CEP295: variants seen among roughly 807,000 people sequenced by gnomAD.
CEP295 encodes the protein centrosomal protein of 295 kDa.
A neutral mutation model predicts 291.6 loss-of-function variants in CEP295; 190 were observed. The ratio of observed to expected loss-of-function variants is 0.65; its 90% CI spans 0.58 to 0.73. The LOEUF (loss-of-function observed/expected upper bound fraction) is 0.73, where lower values mean the gene tolerates loss of function less well. CEP295 is among the 30% of genes least tolerant of loss of function. The pLI, the probability that CEP295 is intolerant of heterozygous loss-of-function variation, is 0.00. For missense variants in CEP295, 2,863 were observed against 2,949.4 expected (o/e 0.97, Z 0.68); for synonymous variants, 993 against 1,038.8 (o/e 0.96, Z 0.85).
chr11:93,700,011 CT>C lies in CEP295; in HGVS notation c.5100del (p.Val1701SerfsTer2). On this transcript the variant is annotated frameshift_variant, in exon 15 of 30. Transcript: ENST00000325212. LOFTEE classifies it high-confidence loss of function. ...GATAGACTTTTGAGTTTTTCACAGT[CT>C]GTCTTAACTCAGCAAGATAACTTGG... ...FQDRLLSFSQ[S>X]VLTQQDNLGL... 1 of 1,551,774 alleles carries C rather than the reference CT, an allele frequency of 6.4e-7. No individual in the cohort carries two copies. The highest frequency in any genetic ancestry group is 1.2e-5 in the South Asian group (1 of 84,058).
intron 1 of CEP295, among the ~76,000 whole-genome samples, chr11:93,665,695 G>A (rs1022725549): frequency 2.6e-5 from 4 of 152,174 alleles, no homozygotes; most frequent in African/African-American, 4.8e-5. Flanking sequence ...GCGACAGAAC[G>A]AGACTCCATC....
intron 25 of CEP295, 28 bp from the exon 26 acceptor site, chr11:93,729,406 G>A: frequency 6.8e-7 from 1 of 1,475,126 alleles, no homozygotes; most frequent in Non-Finnish European, 9.3e-7. Context: ...TTTAAAAAGA[G>A]TAAAACATGC....
intron 25 of CEP295, 190 bp from the exon 26 acceptor site, chr11:93,729,243 TG>T: frequency 1.7e-6 from 1 of 604,380 alleles, no homozygotes; most frequent in Non-Finnish European, 2.9e-6. Flanking sequence ...AAGACCAGCC[TG>T]GGCAACAAGG....
intron 18 of CEP295, among the ~76,000 whole-genome samples, chr11:93,720,084 G>A (rs769577258): frequency 6.0e-4 from 89 of 147,672 alleles, no homozygotes; most frequent in Non-Finnish European, 6.1e-4. Context: ...AAAGCTGGGC[G>A]TAGTGGCTCA....
chr11:93,722,079 G>T, intron 20 of CEP295, 29 bp downstream of exon 20: 1 of 1,348,804 alleles, frequency 7.4e-7, no homozygotes. Context: ...TTATAAATAA[G>T]TTGAAAGACC....
intron 17 of CEP295, among the ~76,000 whole-genome samples, chr11:93,704,438 C>CA (rs1952391561): frequency 6.6e-6 from 1 of 151,992 alleles, no homozygotes; most frequent in African/African-American, 2.4e-5. Flanking sequence ...GGGAAACCCC[C>CA]TCTGGTGGCG....
In CEP295 at chr11:93,724,352, C is replaced by T; in HGVS notation, c.6295C>T (p.Pro2099Ser). 6.5e-7 allele frequency: 1 copy of T among 1,550,320 alleles called. No individual in the cohort carries two copies. Among genetic ancestry groups the T allele is most frequent in the Non-Finnish European group, 8.7e-7 (1 of 1,145,742 alleles). Residue 2099 changes from proline (P) to serine (S), a missense_variant, in exon 22 of 30, where the codon CCA becomes TCA. By Grantham distance (74) the Pro-to-Ser change is moderately conservative. Coordinates refer to ENST00000325212, the MANE Select transcript of CEP295 (RefSeq NM_033395.2). ...DLSSSSSGIS[P>S]DNRDFYQRSD... ...ATCATCATCATCCTCTGGGATTTCT[C>T]CAGACAACAGAGACTTTTACCAGGT...
rs760684237 is a variant in CEP295 at position 93,729,715 on chromosome 11, A to G, written c.7501A>G (p.Ile2501Val). ...MERSHQRQKE[I>V]RNKIHVSENS... ...GAGATCCCACCAGAGGCAGAAAGAA[A>G]TAAGGAATAAAATTCATGTCTCTGA... is the stretch of plus-strand genomic sequence containing the variant. Residue 2501 changes from isoleucine to valine, a missense_variant, in exon 27 of 30, where the codon ATA (isoleucine) becomes GTA (valine). Ile to Val is a conservative substitution (Grantham distance 29). Around this residue, in one of 3 missense-constraint regions of CEP295, gnomAD observed 2,295 missense variants for 2,335.7 expected, o/e 0.98. Transcript: ENST00000325212. 110 of 1,550,226 alleles carry G rather than the reference A, an allele frequency of 7.1e-5. No homozygotes were observed. The highest frequency in any genetic ancestry group is 9.4e-5 in the Non-Finnish European group (108 of 1,145,820).
At chr11:93,728,888 T>C (rs1327141985) in intron 25 of CEP295, 67 bp downstream of exon 25, 7 of 1,378,894 alleles carry the variant, frequency 5.1e-6, no homozygotes, top group East Asian at 5.1e-5. Context: ...CTCTTACAAC[T>C]TATCAGAAGG....
chr11:93,691,523 T>C (rs1951553351), intron 10 of CEP295, among the ~76,000 whole-genome samples, 160 bp from the exon 11 acceptor site: 1 of 152,234 alleles, frequency 6.6e-6, no homozygotes, highest in Admixed American at 6.5e-5. Flanking sequence ...TTGGGTTTAA[T>C]GAGAAATATA....
rs774995220 is a variant in CEP295 at position 93,729,419 on chromosome 11, C to T, written c.7303-15C>T. Reference sequence around the variant, plus strand: ...CGTTTAAAAAGAGTAAAACATGCAACTTTCTTGCCATTAGGTGAGTGAGTT... The same window carrying T: ...CGTTTAAAAAGAGTAAAACATGCAATTTTCTTGCCATTAGGTGAGTGAGTT... On this transcript the variant is annotated splice_polypyrimidine_tract_variant and intron_variant, in intron 25 of 29. Transcript: ENST00000325212. The T allele has an allele frequency of 5.9e-6, 9 of 1,523,932 alleles. 1 individual carries two copies. The South Asian group carries it at 1.1e-4, about 18-fold the overall frequency. 94.4% of individuals were successfully genotyped at this position (1,523,932 alleles called of 1,614,324 possible). A position where few individuals can be genotyped will look rare whatever the true frequency, so the allele number is the denominator to read the frequency against.
chr11:93,677,803 A>G (rs1186076879), intron 6 of CEP295, among the ~76,000 whole-genome samples: 1 of 152,208 alleles, frequency 6.6e-6, no homozygotes, highest in Non-Finnish European at 1.5e-5. Flanking sequence ...TATCTGATGT[A>G]CAAGATTCAG....
In CEP295 at chr11:93,721,999, A is replaced by C; in HGVS notation, c.5896A>C (p.Thr1966Pro). 1 of 1,581,460 alleles carries C rather than the reference A, an allele frequency of 6.3e-7. No individual in the cohort carries two copies. The change falls in exon 20 of 30, where the codon ACT becomes CCT. Residue 1966 changes from threonine to proline, a missense_variant. By Grantham distance (38) the Thr-to-Pro change is conservative (BLOSUM62 -1). This residue lies in a region of CEP295 where 2,295 missense variants were observed against 2,335.7 expected (regional missense o/e 0.98). Coordinates refer to ENST00000325212, the MANE Select transcript of CEP295 (RefSeq NM_033395.2). Reference protein sequence around the residue: ...YEPLSSATVSTGSLLSYENTD... With the variant: ...YEPLSSATVSPGSLLSYENTD... The stretch of plus-strand genomic sequence containing the variant: ...ACCATTATCTTCAGCAACTGTTTCC[A>C]CTGGGAGCCTTTTAAGTTATGAAAA...
intron 17 of CEP295, among the ~76,000 whole-genome samples, chr11:93,705,007 TA>T (rs1306030620): frequency 2.0e-5 from 3 of 152,308 alleles, no homozygotes; most frequent in Non-Finnish European, 4.4e-5. Context: ...TATATTATGT[TA>T]TTATATTTTA....
intron 15 of CEP295, among the ~76,000 whole-genome samples, chr11:93,701,749 A>G (rs1952175564): frequency 6.6e-6 from 1 of 151,736 alleles, no homozygotes; most frequent in Admixed American, 6.6e-5. Context: ...GATTACAGGC[A>G]TGCACCACCA....
At chr11:93,715,738 C>T (rs1192872019) in intron 18 of CEP295, among the ~76,000 whole-genome samples, 1 of 152,086 alleles carries the variant, frequency 6.6e-6, no homozygotes, top group African/African-American at 2.4e-5. Flanking sequence ...TTGAAGGCAG[C>T]AGGTTCTCTT....
chr11:93,693,015 C>G (rs983658985), intron 12 of CEP295, among the ~76,000 whole-genome samples: 1 of 147,504 alleles, frequency 6.8e-6, no homozygotes, highest in Non-Finnish European at 1.5e-5. Context: ...CGGTGGCTCA[C>G]GCCTGTAATC....
At chr11:93,712,648 T>G (rs538761697) in intron 18 of CEP295, among the ~76,000 whole-genome samples, 3 of 152,346 alleles carry the variant, frequency 2.0e-5, no homozygotes, top group Admixed American at 2.0e-4. Context: ...AGTCTGTGTT[T>G]CTTTATAGGT....
At position 93,727,657 on chromosome 11, in the gene CEP295, TATAA is replaced by T. The variant is rs1954256540; in HGVS notation, c.7161+25_7161+28del. On this transcript the variant is annotated intron_variant, in intron 24 of 29. Coordinates refer to ENST00000325212, the MANE Select transcript of CEP295 (RefSeq NM_033395.2). ...GTCTGGGTAAGTGAAATCAGTGTTG[TATAA>T]ATAACATTTAAATTCCTTTTTGGGA... The T allele has an allele frequency of 6.7e-7, 1 of 1,481,544 alleles. No individual in the cohort carries two copies. The allele number at this position is 1,481,544 out of a possible 1,614,324, so 91.8% of individuals were successfully genotyped here.
Sources: gnomAD v4.1 joint callset for allele counts (sites outside exome capture counted in the v4.1 genomes callset) on GRCh38, gnomAD v4.1.1 for gene constraint, gnomAD v4.1.1 regional missense constraint, MANE v1.5 for transcripts, NCBI Gene and HGNC (gene_info 2026-07-23, HGNC 2026-07-21) for gene names.